Variants in TBC1D12 observed in about 807,000 individuals in gnomAD.
TBC1D12 encodes TBC1 domain family, member 12.
TBC1D12 carries 56 observed loss-of-function variants against 86.7 expected under a neutral mutation model. That is an observed-to-expected ratio of 0.65 (90% CI 0.52 to 0.81). The LOEUF is 0.81. Ranked by LOEUF, TBC1D12 falls within the 30% of genes least tolerant of loss-of-function variation. TBC1D12 has a pLI of 0.00. For missense variants in TBC1D12, 1,023 were observed against 1,038.8 expected, an observed-to-expected ratio of 0.98 and a Z score of 0.21; for synonymous variants, 421 against 411.7, an observed-to-expected ratio of 1.02 and a Z score of -0.27.
intron 2 of TBC1D12, among the ~76,000 whole-genome samples, chr10:94,451,151 T>C (rs569307637): frequency 1.0e-3 from 152 of 152,112 alleles, no homozygotes; most frequent in African/African-American, 3.4e-3. Flanking sequence ...ACCAATAATA[T>C]ACAGTTTTAA....
chr10:94,407,031 GC>G (rs2054862576), intron 1 of TBC1D12, among the ~76,000 whole-genome samples: 1 of 150,656 alleles, frequency 6.6e-6, no homozygotes, highest in Admixed American at 6.6e-5. Flanking sequence ...CCTTAATTAG[GC>G]AAAAATCTAT....
chr10:94,528,479 G>A (rs186979766), intron 11 of TBC1D12, among the ~76,000 whole-genome samples: 50 of 152,290 alleles, frequency 3.3e-4, no homozygotes, highest in African/African-American at 1.1e-3. Flanking sequence ...ATAGAATGGT[G>A]GGTGAATTTT....
In TBC1D12 at chr10:94,402,548, T is replaced by A; in HGVS notation, c.-66T>A. The A allele has an allele frequency of 1.0e-5, 16 of 1,573,054 alleles. No homozygotes were observed. Among genetic ancestry groups the A allele is most frequent in the Non-Finnish European group, 1.4e-5 (16 of 1,159,410 alleles). ...GCCGCGGCCCCAGCACCCAGAGCTG[T>A]TCTCTGGCCAAGCCTGCGCCTGTAG... On this transcript the variant is annotated 5_prime_UTR_variant, in exon 1 of 13. Transcript: ENST00000225235.
At chr10:94,458,327 A>G (rs2055659814) in intron 2 of TBC1D12, among the ~76,000 whole-genome samples, 1 of 152,138 alleles carries the variant, frequency 6.6e-6, no homozygotes, top group African/African-American at 2.4e-5. Context: ...GATTCTATAG[A>G]GCGTCCCCAT....
rs570979216 is a variant in TBC1D12 at position 94,460,101 on chromosome 10, A to G, written c.1096-14567A>G. Among the ~76,000 whole-genome samples, 134 of 152,264 alleles carry G rather than the reference A, an allele frequency of 8.8e-4. 1 individual carries two copies. Among genetic ancestry groups the G allele is most frequent in the African/African-American group, 3.0e-3 (123 of 41,564 alleles). ...ACAAAAATTAGCTGGGCATGGTGGC[A>G]CATGCCTGTAATCCCAGCTACTTGG... On this transcript the variant is annotated intron_variant, in intron 2 of 12. Transcript: ENST00000225235.
At chr10:94,407,090 AG>A (rs2054863967) in intron 1 of TBC1D12, among the ~76,000 whole-genome samples, 1 of 152,296 alleles carries the variant, frequency 6.6e-6, no homozygotes, top group African/African-American at 2.4e-5. Context: ...TTAAGTAAAG[AG>A]GGGGGAGCAT....
chr10:94,473,021 G>GT (rs202189200), intron 2 of TBC1D12, among the ~76,000 whole-genome samples: 1,823 of 152,164 alleles, frequency 0.012, 56 homozygotes, highest in African/African-American at 0.042. Context: ...CAAATAAGTT[G>GT]TTTTTTAAAA....
At position 94,490,268 on chromosome 10, in the gene TBC1D12, AAAAG is replaced by A. The variant is rs200031514; in HGVS notation, c.1212-3093_1212-3090del. ...GAAACTCTGTTTCAAAAGAAAAAAA[AAAAG>A]AAATATTGCAAGAATTACTGTAATG... is the stretch of plus-strand genomic sequence containing the variant. On this transcript the variant is annotated intron_variant, in intron 3 of 12. Transcript: ENST00000225235. 7.6e-3 allele frequency among the ~76,000 whole-genome samples: 1,155 copies of A among 152,312 alleles called. 16 individuals are homozygous for A. Among genetic ancestry groups the A allele is most frequent in the African/African-American group, 0.027 (1,104 of 41,570 alleles).
At chr10:94,484,536 G>A (rs1213536580) in intron 3 of TBC1D12, among the ~76,000 whole-genome samples, 1 of 151,996 alleles carries the variant, frequency 6.6e-6, no homozygotes, top group Non-Finnish European at 1.5e-5. Context: ...CACCACGCCT[G>A]GCCAGTTTTG....
Position 94,402,790 on chromosome 10 carries a change from C to G in TBC1D12, c.177C>G (p.Asp59Glu). The part of the protein sequence containing the change: ...PEEADEEEEA[D>E]EEEETPPRQL... ...AGGCTGACGAGGAGGAGGAGGCTGA[C>G]GAGGAGGAGGAGACGCCGCCTCGGC... Residue 59 changes from aspartate to glutamate, a missense_variant, in exon 1 of 13, where the codon GAC (aspartate) becomes GAG (glutamate). Physicochemically the swap from Asp to Glu is conservative, Grantham distance 45 (BLOSUM62 2). Transcript: ENST00000225235. 1 of 1,539,578 alleles carries G rather than the reference C, an allele frequency of 6.5e-7. No homozygotes were observed. Among genetic ancestry groups the G allele is most frequent in the Non-Finnish European group, 8.8e-7 (1 of 1,141,494 alleles).
chr10:94,420,954 T>G (rs2055065737), intron 1 of TBC1D12, among the ~76,000 whole-genome samples: 1 of 152,242 alleles, frequency 6.6e-6, no homozygotes, highest in Non-Finnish European at 1.5e-5. Context: ...ATCAGTCTAA[T>G]TAGCATATCA....
chr10:94,429,689 T>C (rs2055190224), intron 1 of TBC1D12, among the ~76,000 whole-genome samples: 1 of 152,182 alleles, frequency 6.6e-6, no homozygotes, highest in African/African-American at 2.4e-5. Context: ...TCTGTTATGA[T>C]TTCTAATTTT....
In TBC1D12 at chr10:94,414,062, C is replaced by CT. The variant is rs545146921; in HGVS notation, c.971+10487dup. 1.4e-3 allele frequency among the ~76,000 whole-genome samples: 209 copies of CT among 150,816 alleles called. 4 individuals carry two copies. The South Asian group carries it at 0.036, about 26-fold the overall frequency. On this transcript the variant is annotated intron_variant, in intron 1 of 12. Transcript: ENST00000225235. ...TTCATTCAAATACTATAATAGTTTA[C>CT]TTTTTTTTTAGAAAAACATAAAATG...
At chr10:94,457,036 A>T (rs995213657) in intron 2 of TBC1D12, among the ~76,000 whole-genome samples, 6 of 152,102 alleles carry the variant, frequency 3.9e-5, no homozygotes, top group South Asian at 2.1e-4. Flanking sequence ...ATCCCTTTTT[A>T]AAAAATCTAT....
chr10:94,413,249 A>G (rs2134052275), intron 1 of TBC1D12, among the ~76,000 whole-genome samples: 2 of 152,338 alleles, frequency 1.3e-5, no homozygotes, highest in East Asian at 3.9e-4. Context: ...ATTATTTCGG[A>G]CAAATTCATT....
At chr10:94,442,306 A>C (rs1041614315) in intron 2 of TBC1D12, among the ~76,000 whole-genome samples, 1 of 152,096 alleles carries the variant, frequency 6.6e-6, no homozygotes, top group African/African-American at 2.4e-5. Context: ...AAACTTAGCT[A>C]ATCACTCTCA....
Position 94,494,079 on chromosome 10 carries a change from A to G in TBC1D12, c.1294+632A>G, listed in dbSNP as rs1564975644. Among the ~76,000 whole-genome samples the G allele has an allele frequency of 2.6e-5, 4 of 152,046 alleles. No individual in the cohort carries two copies. In the South Asian group the frequency reaches 8.3e-4, roughly 31 times the overall value. The stretch of plus-strand genomic sequence containing the variant: ...GAAACTCAAAATTTTTTTGTGACTT[A>G]CAGAGTCTCTCTAGAGGCCCAATTG... On this transcript the variant is annotated intron_variant, in intron 4 of 12. Transcript: ENST00000225235.
chr10:94,518,085 C>T (rs1488319816), intron 9 of TBC1D12, among the ~76,000 whole-genome samples: 13 of 151,974 alleles, frequency 8.6e-5, no homozygotes, highest in Admixed American at 5.2e-4. Context: ...ACTCAGGAGA[C>T]GGATGTTGTA....
chr10:94,518,026 G>A (rs1842044890), intron 9 of TBC1D12, among the ~76,000 whole-genome samples: 1 of 151,818 alleles, frequency 6.6e-6, no homozygotes, highest in Admixed American at 6.6e-5. Flanking sequence ...GGTGGCATAG[G>A]CCTGTAATTC....
Sources: gnomAD v4.1 joint callset for allele counts (sites outside exome capture counted in the v4.1 genomes callset) on GRCh38, gnomAD v4.1.1 for gene constraint, MANE v1.5 for transcripts, NCBI Gene and HGNC (gene_info 2026-07-23, HGNC 2026-07-21) for gene names.